Variants in NODAL observed in about 807,000 individuals in gnomAD.
The protein encoded by NODAL is nodal homolog.
NODAL carries 12 observed loss-of-function variants against 34.0 expected under a neutral mutation model. That is an observed-to-expected ratio of 0.35 (90% CI 0.23 to 0.57). The LOEUF is 0.57. Ranked by LOEUF, NODAL falls within the 20% of genes least tolerant of loss-of-function variation. NODAL has a pLI of 0.83. For synonymous variants in NODAL, 162 were observed against 186.4 expected (o/e 0.87, Z 1.07); for missense variants, 390 against 444.2 (o/e 0.88, Z 1.10).
At chr10:70,434,652 C>T (rs1333226183) in intron 2 of NODAL, among the ~76,000 whole-genome samples, 10 of 152,178 alleles carry the variant, frequency 6.6e-5, no homozygotes, top group African/African-American at 2.2e-4. Context: ...CATGTGCCAC[C>T]GCACCTGGCT....
chr10:70,444,257 C>A (rs1845464183), upstream of NODAL, among the ~76,000 whole-genome samples: 1 of 151,752 alleles, frequency 6.6e-6, no homozygotes, highest in Admixed American at 6.6e-5. Context: ...CAAGTCCAGA[C>A]CCAGACCTTC....
rs79591014 is a variant in NODAL, at chr10:70,431,985, A to G, written c.*951T>C. 6.6e-6 allele frequency among the ~76,000 whole-genome samples: 1 copy of G among 152,344 alleles called. No homozygotes were observed. Among genetic ancestry groups the G allele is most frequent in the Non-Finnish European group, 1.5e-5 (1 of 68,032 alleles). The stretch of plus-strand genomic sequence containing the variant: ...GACAACAGACATTTAATATGAATGC[A>G]TTAGGATTCACCAGCGTTCCTTTTA... On this transcript the variant is annotated 3_prime_UTR_variant, in exon 3 of 3. Transcript: ENST00000287139.
intron 1 of NODAL, among the ~76,000 whole-genome samples, chr10:70,437,847 T>G (rs1232901138): frequency 6.6e-6 from 1 of 152,162 alleles, no homozygotes; most frequent in Non-Finnish European, 1.5e-5. Context: ...TTTCACTTAA[T>G]TTCCACTTCC....
Position 70,447,829 on chromosome 10 carries a change from G to A in NODAL, c.28+95C>T, listed in dbSNP as rs1402582036. On this transcript the variant is annotated intron_variant, in intron 1 of 2. Coordinates refer to the NODAL transcript ENST00000414871. ...CTTTCTCTCTGAGGCCCCAGCCCCT[G>A]GTTTATAACTGCCCACTGTTTGCTG... is the stretch of plus-strand genomic sequence containing the variant. The A allele has an allele frequency of 3.8e-5, 18 of 469,116 alleles. No homozygotes were observed. In the Admixed American group the frequency reaches 4.2e-4, roughly 11 times the overall value. 29.1% of individuals were successfully genotyped at this position (469,116 alleles called of 1,614,324 possible). A position where few individuals can be genotyped will look rare whatever the true frequency, so the allele number is the denominator to read the frequency against.
At chr10:70,433,228 G>T in intron 2 of NODAL, 140 bp from the exon 3 acceptor site, 1 of 910,586 alleles carries the variant, frequency 1.1e-6, no homozygotes, top group Non-Finnish European at 1.8e-6. Context: ...TTTCATAAAG[G>T]AATTAGCTTG....
chr10:70,437,255 C>G (rs368405469), intron 1 of NODAL, among the ~76,000 whole-genome samples: 311 of 152,166 alleles, frequency 2.0e-3, no homozygotes, highest in African/African-American at 7.2e-3. Flanking sequence ...CCAGCCTGAC[C>G]AACATGGAGA....
In NODAL at chr10:70,435,936, A is replaced by G. The variant is rs200705528; in HGVS notation, c.241T>C (p.Phe81Leu). Residue 81 changes from phenylalanine to leucine, a missense_variant, in exon 2 of 3, where the codon TTC becomes CTC. Physicochemically the swap from Phe to Leu is conservative, Grantham distance 22. Coordinates refer to ENST00000287139, the MANE Select transcript of NODAL (RefSeq NM_018055.5). ...GCCAGATCCTCTTGTTGGCTCAGGA[A>G]GGAGAAGTCAAAAGCAAACGTCCAG... The part of the protein sequence containing the change: ...QNWTFAFDFS[F>L]LSQQEDLAWA... The G allele has an allele frequency of 1.9e-6, 3 of 1,614,160 alleles. No homozygotes were observed. The highest frequency in any genetic ancestry group is 2.5e-6 in the Non-Finnish European group (3 of 1,180,012).
chr10:70,442,651 T>C (rs1845445455), upstream of NODAL, among the ~76,000 whole-genome samples: 1 of 152,190 alleles, frequency 6.6e-6, no homozygotes, highest in African/African-American at 2.4e-5. Context: ...TTTCTCTTCT[T>C]AGCTCCCCCC....
chr10:70,437,358 T>C (rs1254445902), intron 1 of NODAL, among the ~76,000 whole-genome samples: 2 of 152,204 alleles, frequency 1.3e-5, no homozygotes, highest in African/African-American at 4.8e-5. Flanking sequence ...GGAGAATTGC[T>C]TGAACCCAGG....
At chr10:70,441,436 G>C in intron 1 of NODAL, 39 bp downstream of exon 1, 1 of 1,543,612 alleles carries the variant, frequency 6.5e-7, no homozygotes, top group Non-Finnish European at 8.7e-7. Flanking sequence ...GAGGCGCCCC[G>C]GGGGTGCCCA....
intron 2 of NODAL, 40 bp downstream of exon 2, chr10:70,435,246 A>G (rs1845328460): frequency 1.9e-6 from 3 of 1,545,956 alleles, no homozygotes; most frequent in African/African-American, 2.7e-5. Context: ...CCCCAAGGCC[A>G]GCTTACTGCC....
At chr10:70,440,475 A>G (rs940789351) in intron 1 of NODAL, among the ~76,000 whole-genome samples, 2 of 152,082 alleles carry the variant, frequency 1.3e-5, no homozygotes, top group African/African-American at 4.8e-5. Flanking sequence ...CCAGGTCACA[A>G]GGGGCGGGCA....
intron 1 of NODAL, among the ~76,000 whole-genome samples, chr10:70,446,766 C>T (rs1845491308): frequency 6.6e-6 from 1 of 152,110 alleles, no homozygotes; most frequent in African/African-American, 2.4e-5. Context: ...AACTGAGGTA[C>T]ACAGGAATTA....
At chr10:70,437,008 A>C (rs78347172) in intron 1 of NODAL, among the ~76,000 whole-genome samples, 89 of 152,230 alleles carry the variant, frequency 5.8e-4, no homozygotes, top group Non-Finnish European at 9.3e-4. Context: ...AGACACACAC[A>C]CCCAGCCCTG....
rs553447349 is a variant in NODAL at position 70,432,049 on chromosome 10, G to T, written c.*887C>A. On this transcript the variant is annotated 3_prime_UTR_variant, in exon 3 of 3. Coordinates refer to ENST00000287139, the MANE Select transcript of NODAL (RefSeq NM_018055.5). ...GACAGTGAATTGCTCACCTGAGGTC[G>T]CACAGCTTCCAGTGGCTGAGCTGTG... is the stretch of plus-strand genomic sequence containing the variant. Among the ~76,000 whole-genome samples the T allele has an allele frequency of 6.6e-6, 1 of 152,216 alleles. No individual in the cohort carries two copies. Among genetic ancestry groups the T allele is most frequent in the Non-Finnish European group, 1.5e-5 (1 of 68,040 alleles).
intron 2 of NODAL, 30 bp downstream of exon 2, chr10:70,435,256 C>T (rs1403848319): frequency 1.9e-6 from 3 of 1,572,542 alleles, no homozygotes; most frequent in Non-Finnish European, 2.6e-6. Flanking sequence ...AGCTTACTGC[C>T]TCCCCTCCCC....
intron 2 of NODAL, among the ~76,000 whole-genome samples, chr10:70,433,799 T>G (rs1259791397): frequency 6.6e-6 from 1 of 152,172 alleles, no homozygotes; most frequent in Non-Finnish European, 1.5e-5. Flanking sequence ...ATGTGGAAAT[T>G]CTTATGGGAT....
At position 70,432,618 on chromosome 10, in the gene NODAL, A is replaced by C. The variant is rs1482087447; in HGVS notation, c.*318T>G. On this transcript the variant is annotated 3_prime_UTR_variant, in exon 3 of 3. Transcript: ENST00000287139. ...TTTCACATACAGTTTCGGGGGGTTC[A>C]CAGGTTTTTAAAAAATCCAGTAAAG... 2.0e-5 allele frequency: 8 copies of C among 403,362 alleles called. No homozygotes were observed. Among genetic ancestry groups the C allele is most frequent in the Non-Finnish European group, 2.8e-5 (6 of 213,284 alleles). 25.0% of individuals were successfully genotyped at this position (403,362 alleles called of 1,614,324 possible). A position where few individuals can be genotyped will look rare whatever the true frequency, so the allele number is the denominator to read the frequency against.
intron 1 of NODAL, chr10:70,447,865 C>A: frequency 4.2e-6 from 2 of 471,104 alleles, no homozygotes; most frequent in Admixed American, 2.3e-5. Context: ...GAATCTGCAA[C>A]CTACGTGAAT....
Sources: allele counts gnomAD v4.1 joint callset (sites outside exome capture counted in the v4.1 genomes callset), GRCh38; gene constraint gnomAD v4.1.1; transcripts MANE v1.5; gene names NCBI Gene and HGNC (gene_info 2026-07-23, HGNC 2026-07-21).